Variants in CEP112 observed in about 807,000 individuals in gnomAD.
The protein encoded by CEP112 is centrosomal protein of 112 kDa.
In CEP112, 127 loss-of-function variants were observed where a neutral mutation model predicts 153.0. That is an observed-to-expected ratio of 0.83 (90% CI 0.72 to 0.96). The LOEUF is 0.96. Ranked by LOEUF, CEP112 falls within the 40% of genes least tolerant of loss-of-function variation. The pLI is 0.00. For missense variants in CEP112, 1,089 were observed against 1,101.2 expected (o/e 0.99, Z 0.16); for synonymous variants, 358 against 374.4 (o/e 0.96, Z 0.51).
At chr17:65,649,026 G>C (rs2045590831) in intron 24 of CEP112, among the ~76,000 whole-genome samples, 1 of 151,946 alleles carries the variant, frequency 6.6e-6, no homozygotes, top group Non-Finnish European at 1.5e-5. Flanking sequence ...ACTCTAGCCT[G>C]GGCAACAGAG....
chr17:66,188,191 C>T (rs1176357902), intron 1 of CEP112, among the ~76,000 whole-genome samples: 2 of 151,946 alleles, frequency 1.3e-5, no homozygotes, highest in Admixed American at 6.6e-5. Context: ...GTTTAAAAAT[C>T]TCTCGTGACT....
chr17:66,039,215 A>AC (rs2065869959), intron 12 of CEP112, among the ~76,000 whole-genome samples: 1 of 152,174 alleles, frequency 6.6e-6, no homozygotes, highest in Non-Finnish European at 1.5e-5. Context: ...GAAAATATAA[A>AC]ATGTCTCATG....
rs148248591 is a variant in CEP112, at chr17:65,671,177, G to A, written c.2697+17952C>T. ...AAGGACTATAAGCAGGTGGCAAAAG[G>A]GAAAACAGTAGTCACTGGGGGTCAG... is the stretch of plus-strand genomic sequence containing the variant. On this transcript the variant is annotated intron_variant, in intron 24 of 26. Transcript: ENST00000535342. 3.1e-3 allele frequency among the ~76,000 whole-genome samples: 475 copies of A among 152,164 alleles called. 2 individuals are homozygous for A. Among genetic ancestry groups the A allele is most frequent in the African/African-American group, 0.011 (462 of 41,500 alleles).
intron 4 of CEP112, among the ~76,000 whole-genome samples, chr17:66,148,977 C>T (rs117173487): frequency 0.034 from 5,190 of 152,160 alleles, 130 homozygotes; most frequent in Middle Eastern, 0.061. Flanking sequence ...AAATAGATGG[C>T]GTTTATTTTG....
At chr17:65,838,950 A>G (rs1036006341) in intron 21 of CEP112, among the ~76,000 whole-genome samples, 78 of 152,302 alleles carry the variant, frequency 5.1e-4, no homozygotes, top group African/African-American at 1.9e-3. Flanking sequence ...CCAAAATTCA[A>G]CTATGAAGAA....
intron 19 of CEP112, among the ~76,000 whole-genome samples, chr17:65,909,691 G>A (rs1012486655): frequency 3.9e-5 from 6 of 152,112 alleles, no homozygotes; most frequent in African/African-American, 1.2e-4. Context: ...ATTAAATACA[G>A]AACATGAGAA....
intron 16 of CEP112, among the ~76,000 whole-genome samples, chr17:66,012,518 C>T (rs1160648652): frequency 1.3e-5 from 2 of 152,162 alleles, no homozygotes; most frequent in African/African-American, 4.8e-5. Flanking sequence ...AAACTCTTGG[C>T]TGAAAATTCT....
intron 19 of CEP112, among the ~76,000 whole-genome samples, chr17:65,902,626 G>A (rs775817993): frequency 7.3e-5 from 11 of 151,534 alleles, no homozygotes; most frequent in South Asian, 2.1e-4. Flanking sequence ...CCAAGAATTC[G>A]GGTATTACTG....
chr17:65,972,078 C>A (rs1370613411), intron 17 of CEP112, among the ~76,000 whole-genome samples: 1 of 152,094 alleles, frequency 6.6e-6, no homozygotes. Flanking sequence ...ATGGACTATT[C>A]CACCCAATCA....
At chr17:65,950,529 T>G (rs2061788317) in intron 18 of CEP112, among the ~76,000 whole-genome samples, 1 of 152,140 alleles carries the variant, frequency 6.6e-6, no homozygotes, top group Non-Finnish European at 1.5e-5. Context: ...TTTTCAAATA[T>G]TTCACTGCTA....
chr17:65,729,143 T>C (rs1473389978), intron 23 of CEP112, among the ~76,000 whole-genome samples: 1 of 152,208 alleles, frequency 6.6e-6, no homozygotes, highest in Non-Finnish European at 1.5e-5. Flanking sequence ...TTCCATAAGC[T>C]TTCTTCTATT....
At chr17:65,913,598 A>G (rs2060364984) in intron 19 of CEP112, 1 of 985,440 alleles carries the variant, frequency 1.0e-6, no homozygotes, top group South Asian at 4.7e-5. Flanking sequence ...GTCAATCAAC[A>G]GTTCAGTTTA....
At chr17:65,795,347 T>C (rs573759663) in intron 21 of CEP112, among the ~76,000 whole-genome samples, 1 of 152,318 alleles carries the variant, frequency 6.6e-6, no homozygotes, top group South Asian at 2.1e-4. Context: ...CTTCACCAAT[T>C]ACAATTCTAC....
At chr17:65,846,821 G>A (rs1253937979) in intron 21 of CEP112, among the ~76,000 whole-genome samples, 2 of 152,118 alleles carry the variant, frequency 1.3e-5, no homozygotes, top group Non-Finnish European at 2.9e-5. Flanking sequence ...CGCCCGCCTC[G>A]ATTATCATTC....
chr17:65,708,963 G>A (rs2049044000), intron 23 of CEP112, among the ~76,000 whole-genome samples: 1 of 152,046 alleles, frequency 6.6e-6, no homozygotes, highest in Non-Finnish European at 1.5e-5. Context: ...CCTCCTACTT[G>A]TTATATTCTG....
At chr17:66,020,978 G>A (rs2064978070) in intron 16 of CEP112, among the ~76,000 whole-genome samples, 1 of 152,102 alleles carries the variant, frequency 6.6e-6, no homozygotes, top group African/African-American at 2.4e-5. Context: ...GGCTAGGTCT[G>A]GTTGAGAACT....
At chr17:66,090,002 A>G (rs1214399530) in intron 8 of CEP112, among the ~76,000 whole-genome samples, 1 of 152,174 alleles carries the variant, frequency 6.6e-6, no homozygotes, top group African/African-American at 2.4e-5. Flanking sequence ...AGGAAATCTT[A>G]CAGTCCAGAA....
intron 21 of CEP112, among the ~76,000 whole-genome samples, chr17:65,844,690 C>T (rs1042057911): frequency 6.9e-6 from 1 of 144,938 alleles, no homozygotes. Context: ...AAAAAAAAAA[C>T]CTAAATGTTC....
chr17:65,710,803 A>T (rs1217253843), intron 23 of CEP112, among the ~76,000 whole-genome samples: 2 of 152,108 alleles, frequency 1.3e-5, no homozygotes, highest in African/African-American at 4.8e-5. Flanking sequence ...GTCCCAGCTT[A>T]CTCTGCGTCC....
Sources: gnomAD v4.1 joint callset for allele counts (sites outside exome capture counted in the v4.1 genomes callset) on GRCh38, gnomAD v4.1.1 for gene constraint, MANE v1.5 for transcripts, NCBI Gene and HGNC (gene_info 2026-07-23, HGNC 2026-07-21) for gene names.